The following CFAP221 variants were observed in gnomAD, a reference collection of about 807,000 sequenced individuals.
The protein encoded by CFAP221 is cilia- and flagella-associated protein 221.
Under a neutral mutation model 113.1 loss-of-function variants are expected in CFAP221, and 97 were observed. The observed-to-expected ratio is 0.86, with a 90% CI of 0.73 to 1.02. CFAP221 has a LOEUF of 1.02. Among genes scored for constraint, CFAP221 ranks in the 50% least tolerant of loss-of-function variants. CFAP221 has a pLI of 0.00. For missense variants in CFAP221, 1,025 were observed against 1,013.4 expected, an observed-to-expected ratio of 1.01 and a Z score of -0.16; for synonymous variants, 331 against 354.4, an observed-to-expected ratio of 0.93 and a Z score of 0.74.
intron 11 of CFAP221, among the ~76,000 whole-genome samples, chr2:119,605,941 T>G (rs564449646): frequency 1.3e-5 from 2 of 152,276 alleles, no homozygotes; most frequent in Admixed American, 1.3e-4. Context: ...GCATTATTCA[T>G]AATAGCCAAA....
At chr2:119,595,408 AG>A (rs1459484430) in intron 7 of CFAP221, among the ~76,000 whole-genome samples, 2 of 152,150 alleles carry the variant, frequency 1.3e-5, no homozygotes, top group Non-Finnish European at 1.5e-5. Context: ...CCTATTTAAT[AG>A]ATTTTTTTTC....
downstream of CFAP221, chr2:119,656,696 C>A: frequency 2.9e-6 from 1 of 343,112 alleles, no homozygotes; most frequent in South Asian, 4.4e-5. Flanking sequence ...GTGTTTAGTG[C>A]CGGAATGCTT....
intron 14 of CFAP221, among the ~76,000 whole-genome samples, chr2:119,621,454 C>T (rs997251349): frequency 6.6e-6 from 1 of 152,112 alleles, no homozygotes; most frequent in Non-Finnish European, 1.5e-5. Flanking sequence ...GAGACTTTAA[C>T]GCCCCACTTT....
At chr2:119,658,607 C>A (rs1174373862), downstream of CFAP221, among the ~76,000 whole-genome samples, 1 of 151,018 alleles carries the variant, frequency 6.6e-6, no homozygotes, top group Non-Finnish European at 1.5e-5. Context: ...TATACTGAGC[C>A]CCCCTCAACA....
At chr2:119,654,249 C>G (rs1688296923) in intron 23 of CFAP221, among the ~76,000 whole-genome samples, 1 of 152,084 alleles carries the variant, frequency 6.6e-6, no homozygotes, top group African/African-American at 2.4e-5. Context: ...CAGTAAGCAT[C>G]TGTTTTGATC....
chr2:119,640,449 AT>A (rs1687414372), intron 21 of CFAP221, among the ~76,000 whole-genome samples: 1 of 152,182 alleles, frequency 6.6e-6, no homozygotes, highest in Non-Finnish European at 1.5e-5. Flanking sequence ...TAATTTGCTT[AT>A]TTAATAGCTC....
chr2:119,644,678 C>T (rs186598314), intron 21 of CFAP221, among the ~76,000 whole-genome samples: 6 of 152,262 alleles, frequency 3.9e-5, no homozygotes, highest in Admixed American at 1.3e-4. Context: ...CAAACACACA[C>T]ACACAATGTA....
chr2:119,570,615 C>T (rs1162122008), intron 6 of CFAP221, among the ~76,000 whole-genome samples: 1 of 152,180 alleles, frequency 6.6e-6, no homozygotes, highest in African/African-American at 2.4e-5. Context: ...TAAATGGAAC[C>T]ATACAACATG....
intron 19 of CFAP221, among the ~76,000 whole-genome samples, chr2:119,632,615 T>C (rs1472187733): frequency 3.4e-5 from 5 of 148,858 alleles, no homozygotes; most frequent in African/African-American, 5.0e-5. Context: ...TATTCAGGAT[T>C]ATAAGTATAG....
chr2:119,594,295 G>A (rs557507459), intron 7 of CFAP221, among the ~76,000 whole-genome samples: 1 of 152,052 alleles, frequency 6.6e-6, no homozygotes, highest in African/African-American at 2.4e-5. Context: ...GAGTGCAGTG[G>A]CATGATCTTG....
At chr2:119,644,644 A>G (rs1687687402) in intron 21 of CFAP221, among the ~76,000 whole-genome samples, 1 of 152,162 alleles carries the variant, frequency 6.6e-6, no homozygotes, top group African/African-American at 2.4e-5. Flanking sequence ...TGGCCTATTC[A>G]GCAGACAAAG....
chr2:119,625,459 G>A (rs550960686), intron 14 of CFAP221, 124 bp from the exon 15 acceptor site: 665 of 800,782 alleles, frequency 8.3e-4, no homozygotes, highest in Admixed American at 1.1e-3. Flanking sequence ...CACACTCCCT[G>A]TGGACTCTGA....
intron 3 of CFAP221, among the ~76,000 whole-genome samples, chr2:119,551,761 G>C (rs951855807): frequency 6.6e-6 from 1 of 152,172 alleles, no homozygotes; most frequent in African/African-American, 2.4e-5. Flanking sequence ...TGAATTTTAG[G>C]ATCAGCTTTT....
chr2:119,595,348 G>C (rs989406699), intron 7 of CFAP221, among the ~76,000 whole-genome samples: 1 of 152,340 alleles, frequency 6.6e-6, no homozygotes, highest in South Asian at 2.1e-4. Context: ...TCAGTTTACA[G>C]GACTTGGTAG....
chr2:119,634,986 A>G (rs1156473745), intron 19 of CFAP221, among the ~76,000 whole-genome samples: 1 of 152,248 alleles, frequency 6.6e-6, no homozygotes, highest in Non-Finnish European at 1.5e-5. Context: ...CATATAATAA[A>G]TAATTTTTAA....
At chr2:119,579,422 T>G (rs1021075968) in intron 6 of CFAP221, among the ~76,000 whole-genome samples, 20 of 152,218 alleles carry the variant, frequency 1.3e-4, no homozygotes, top group Non-Finnish European at 7.3e-5. Flanking sequence ...TCTTTAAATA[T>G]GAAGAACTTC....
chr2:119,635,980 T>G (rs1457922694), intron 19 of CFAP221, among the ~76,000 whole-genome samples: 1 of 152,194 alleles, frequency 6.6e-6, no homozygotes, highest in Non-Finnish European at 1.5e-5. Flanking sequence ...TGAACATCAG[T>G]ATGTGCTCCA....
intron 6 of CFAP221, among the ~76,000 whole-genome samples, chr2:119,568,572 T>C (rs1681811990): frequency 3.3e-5 from 5 of 152,192 alleles, no homozygotes; most frequent in South Asian, 4.2e-4. Context: ...TTCCCACTTA[T>C]ATGTGAGAAC....
intron 21 of CFAP221, among the ~76,000 whole-genome samples, chr2:119,643,212 ATTAC>A (rs1225013441): frequency 6.6e-6 from 1 of 152,166 alleles, no homozygotes; most frequent in East Asian, 1.9e-4. Context: ...ATTAGCTCCT[ATTAC>A]TTACGAGGTT....
Sources: allele counts gnomAD v4.1 joint callset (sites outside exome capture counted in the v4.1 genomes callset), GRCh38; gene constraint gnomAD v4.1.1; transcripts MANE v1.5; gene names NCBI Gene and HGNC (gene_info 2026-07-23, HGNC 2026-07-21).